The following AANAT variants were observed in gnomAD, a reference collection of about 807,000 sequenced individuals.
The protein encoded by AANAT is serotonin N-acetyltransferase.
AANAT carries 11 observed loss-of-function variants against 15.6 expected under a neutral mutation model. The observed-to-expected ratio is 0.71, with a 90% CI of 0.44 to 1.17. AANAT has a LOEUF of 1.17. Among genes scored for constraint, AANAT ranks in the 50% most tolerant of loss-of-function variants. The probability of loss-of-function intolerance (pLI) is 0.00; values close to 1 mark genes in which losing one functional copy is unlikely to be tolerated. For missense variants in AANAT, 286 were observed against 296.3 expected, an observed-to-expected ratio of 0.97 and a Z score of 0.26; for synonymous variants, 139 against 131.5, an observed-to-expected ratio of 1.06 and a Z score of -0.39.
chr17:76,465,998 AGCCACTGTGCCTG>A, upstream of AANAT: 1 of 624,564 alleles, frequency 1.6e-6, no homozygotes, highest in Non-Finnish European at 2.9e-6. Flanking sequence ...TACAGCGGTG[AGCCACTGTGCCTG>A]GCTTACTGCC....
chr17:76,464,146 G>A (rs1035194549), upstream of AANAT, among the ~76,000 whole-genome samples: 19 of 152,148 alleles, frequency 1.2e-4, no homozygotes, highest in African/African-American at 4.3e-4. Context: ...TTTGAGACCA[G>A]CCTGACCAAT....
chr17:76,465,310 G>A (rs116910254), upstream of AANAT, among the ~76,000 whole-genome samples: 53 of 151,310 alleles, frequency 3.5e-4, no homozygotes, highest in East Asian at 9.8e-3. Flanking sequence ...TGATCTCGGA[G>A]GTGCTTCTTT....
chr17:76,468,952 T>G lies in AANAT; in HGVS notation c.163+43T>G, dbSNP rs765673348. ...GGGTCAGAGGGATGCTCCACTCTGG[T>G]CCAGTTATCCTGTGGGGAGGAGACC... is the stretch of plus-strand genomic sequence containing the variant. On this transcript the variant is annotated intron_variant, in intron 2 of 3. Transcript: ENST00000392492. The G allele has an allele frequency of 1.3e-5, 20 of 1,582,034 alleles. No individual in the cohort carries two copies. In the South Asian group the frequency reaches 2.0e-4, roughly 16 times the overall value.
intron 1 of AANAT, among the ~76,000 whole-genome samples, chr17:76,458,495 T>G (rs916503753): frequency 2.0e-5 from 3 of 152,226 alleles, no homozygotes; most frequent in Admixed American, 6.5e-5. Context: ...TGGCCCCATC[T>G]CCCAGCCTTT....
At chr17:76,466,575 T>A (rs926400693), upstream of AANAT, among the ~76,000 whole-genome samples, 1 of 151,880 alleles carries the variant, frequency 6.6e-6, no homozygotes, top group African/African-American at 2.4e-5. Context: ...AGTCTCATTG[T>A]GAGATGAGTG....
rs766540976 is a variant in AANAT, at chr17:76,467,687, G to C, written c.-116G>C. On this transcript the variant is annotated 5_prime_UTR_variant, in exon 1 of 4. Transcript: ENST00000392492. ...TGCGGACAGGCCCCCAGGGCTAGCG[G>C]CTTTGTGGAGGGAACACTGGGTATC... The C allele has an allele frequency of 1.4e-4, 135 of 985,376 alleles. No individual in the cohort carries two copies. The highest frequency in any genetic ancestry group is 3.7e-4 in the Admixed American group (6 of 16,278). The allele number at this position is 985,376 out of a possible 1,614,324, so 61.0% of individuals were successfully genotyped here. A position where few individuals can be genotyped will look rare whatever the true frequency, so the allele number is the denominator to read the frequency against.
chr17:76,454,127 G>A (rs2073312427), intron 1 of AANAT, among the ~76,000 whole-genome samples: 1 of 152,160 alleles, frequency 6.6e-6, no homozygotes, highest in South Asian at 2.1e-4. Context: ...TCCCTGCCTA[G>A]ACTAAATTCC....
At chr17:76,462,025 G>T (rs1189428399) in intron 2 of AANAT, among the ~76,000 whole-genome samples, 3 of 152,168 alleles carry the variant, frequency 2.0e-5, no homozygotes, top group Non-Finnish European at 4.4e-5. Context: ...TGGGGACAAT[G>T]CCTCTTCCTT....
In AANAT at chr17:76,469,037, A is replaced by C; in HGVS notation, c.163+128A>C. On this transcript the variant is annotated intron_variant, in intron 2 of 3. Coordinates refer to ENST00000392492, the MANE Select transcript of AANAT (RefSeq NM_001088.3). The surrounding 1 kb of genome is among the most constrained non-coding windows in gnomAD (Gnocchi z 5.2). The stretch of plus-strand genomic sequence containing the variant: ...GTATCAGACCATGTGTGCGCTCAAG[A>C]AAGTGGGGGAAACAGCAGCCCTAAC... 1.3e-6 allele frequency: 2 copies of C among 1,493,700 alleles called. No individual in the cohort carries two copies. The highest frequency in any genetic ancestry group is 2.5e-5 in the South Asian group (2 of 80,252). 92.5% of individuals were successfully genotyped at this position (1,493,700 alleles called of 1,614,324 possible).
Position 76,469,601 on chromosome 17 carries a change from G to A in AANAT, c.319-64G>A. 1 of 1,420,458 alleles carries A rather than the reference G, an allele frequency of 7.0e-7. No individual in the cohort carries two copies. The highest frequency in any genetic ancestry group is 9.2e-7 in the Non-Finnish European group (1 of 1,086,820). The allele number at this position is 1,420,458 out of a possible 1,614,324, so 88.0% of individuals were successfully genotyped here. A position where few individuals can be genotyped will look rare whatever the true frequency, so the allele number is the denominator to read the frequency against. On this transcript the variant is annotated intron_variant, in intron 3 of 3. Coordinates refer to ENST00000392492, the MANE Select transcript of AANAT (RefSeq NM_001088.3). The surrounding 1 kb of genome is among the most constrained non-coding windows in gnomAD (Gnocchi z 5.2). ...GGACACCTGCTCCCTGCCTGGGTTG[G>A]TGGTTGGGGGGGAGCACGTGTCAGC... is the stretch of plus-strand genomic sequence containing the variant.
At chr17:76,466,616 G>A (rs1337695059), upstream of AANAT, among the ~76,000 whole-genome samples, 1 of 152,226 alleles carries the variant, frequency 6.6e-6, no homozygotes, top group Non-Finnish European at 1.5e-5. Flanking sequence ...GGCAGTGCAT[G>A]TCAGGAGGCT....
chr17:76,466,941 G>A (rs779490947), upstream of AANAT, among the ~76,000 whole-genome samples: 11 of 152,148 alleles, frequency 7.2e-5, no homozygotes, highest in Middle Eastern at 3.2e-3. Flanking sequence ...CCAGGAGCCC[G>A]AGATGGACAC....
Position 76,469,651 on chromosome 17 carries a change from T to C in AANAT, c.319-14T>C. ...CAGAAGTGACCTGGGATCTCATCCC[T>C]TGCTCGCTCCCAGGAGTCACTGACG... On this transcript the variant is annotated splice_polypyrimidine_tract_variant and intron_variant, in intron 3 of 3. Transcript: ENST00000392492. The surrounding 1 kb of genome is among the most constrained non-coding windows in gnomAD (Gnocchi z 5.2). The C allele has an allele frequency of 6.8e-7, 1 of 1,461,372 alleles. No individual in the cohort carries two copies. Among genetic ancestry groups the C allele is most frequent in the Non-Finnish European group, 9.0e-7 (1 of 1,108,544 alleles). The allele number at this position is 1,461,372 out of a possible 1,614,324, so 90.5% of individuals were successfully genotyped here.
chr17:76,469,031 C>G lies in AANAT; in HGVS notation c.163+122C>G, dbSNP rs1280804689. ...CCCAGAGTATCAGACCATGTGTGCG[C>G]TCAAGAAAGTGGGGGAAACAGCAGC... On this transcript the variant is annotated intron_variant, in intron 2 of 3. Coordinates refer to ENST00000392492, the MANE Select transcript of AANAT (RefSeq NM_001088.3). The surrounding 1 kb of genome is among the most constrained non-coding windows in gnomAD (Gnocchi z 5.2). 4.7e-6 allele frequency: 7 copies of G among 1,488,860 alleles called. No individual in the cohort carries two copies. The African/African-American group carries it at 9.7e-5, about 21-fold the overall frequency. The allele number at this position is 1,488,860 out of a possible 1,614,324, so 92.2% of individuals were successfully genotyped here. A position where few individuals can be genotyped will look rare whatever the true frequency, so the allele number is the denominator to read the frequency against.
In AANAT at chr17:76,469,854, A is replaced by C. The variant is rs757857861; in HGVS notation, c.508A>C (p.Arg170=). Residue 170 remains arginine, a synonymous_variant, in exon 4 of 4, where the codon AGG becomes CGG. Transcript: ENST00000392492. The surrounding 1 kb of genome is among the most constrained non-coding windows in gnomAD (Gnocchi z 5.2). ...CEDALVPFYE[R]FSFHAVGPCA... is the part of the protein sequence containing the mutation. ...GGACGCGCTGGTACCCTTCTATGAG[A>C]GGTTCAGCTTCCACGCCGTGGGCCC... is the stretch of plus-strand genomic sequence containing the variant. 1.2e-6 allele frequency: 2 copies of C among 1,603,846 alleles called. No homozygotes were observed. Among genetic ancestry groups the C allele is most frequent in the Non-Finnish European group, 1.7e-6 (2 of 1,176,620 alleles).
chr17:76,454,916 C>A (rs917347630), intron 1 of AANAT, among the ~76,000 whole-genome samples: 2 of 152,042 alleles, frequency 1.3e-5, no homozygotes, highest in African/African-American at 4.8e-5. Flanking sequence ...GACCCGAGGT[C>A]AGGAGTTCAA....
chr17:76,469,072 C>T lies in AANAT; in HGVS notation c.164-101C>T. 6.5e-7 allele frequency: 1 copy of T among 1,546,840 alleles called. No homozygotes were observed. The highest frequency in any genetic ancestry group is 8.8e-7 in the Non-Finnish European group (1 of 1,134,084). On this transcript the variant is annotated intron_variant, in intron 2 of 3. Coordinates refer to ENST00000392492, the MANE Select transcript of AANAT (RefSeq NM_001088.3). The surrounding 1 kb of genome is among the most constrained non-coding windows in gnomAD (Gnocchi z 5.2). Reference sequence around the variant, plus strand: ...AAACAGCAGCCCTAACCCCCATTTTCCTGTGGGGAACGGGGCATCTGAGTG... The same window carrying T: ...AAACAGCAGCCCTAACCCCCATTTTTCTGTGGGGAACGGGGCATCTGAGTG...
upstream of AANAT, chr17:76,467,446 A>C (rs1216085413): frequency 4.2e-6 from 3 of 712,144 alleles, no homozygotes; most frequent in Non-Finnish European, 5.2e-6. Flanking sequence ...AGCCTCTGGT[A>C]ATCCCTTCTG....
At chr17:76,465,907 G>C (rs537731492), upstream of AANAT, 362 of 451,098 alleles carry the variant, frequency 8.0e-4, 2 homozygotes, top group South Asian at 2.7e-3. Context: ...GCCCAGGCTG[G>C]AGTGCAGTGG....
Sources: gnomAD v4.1 joint callset for allele counts (sites outside exome capture counted in the v4.1 genomes callset) on GRCh38, gnomAD v4.1.1 for gene constraint, Gnocchi (gnomAD v3.1) non-coding constraint, MANE v1.5 for transcripts, NCBI Gene and HGNC (gene_info 2026-07-23, HGNC 2026-07-21) for gene names.